The following MBNL2 variants were observed in gnomAD, a reference collection of about 807,000 sequenced individuals.
MBNL2 encodes the protein muscleblind-like protein 2.
Under a neutral mutation model 41.9 loss-of-function variants are expected in MBNL2, and 17 were observed. That is an observed-to-expected ratio of 0.41 (90% CI 0.28 to 0.61). The LOEUF (loss-of-function observed/expected upper bound fraction) is 0.61, where lower values mean the gene tolerates loss of function less well. Among genes scored for constraint, MBNL2 ranks in the 20% least tolerant of loss-of-function variants. MBNL2 has a pLI of 0.35. For missense variants in MBNL2, 336 were observed against 505.6 expected, an observed-to-expected ratio of 0.66 and a Z score of 3.22; for synonymous variants, 195 against 182.9, an observed-to-expected ratio of 1.07 and a Z score of -0.53.
intron 3 of MBNL2, among the ~76,000 whole-genome samples, chr13:97,338,018 T>G (rs532681744): frequency 6.6e-6 from 1 of 152,346 alleles, no homozygotes; most frequent in South Asian, 2.1e-4. Context: ...ATATCCACTC[T>G]TGCTTTACTC....
At chr13:97,331,821 AAAG>A (rs1419776500) in intron 2 of MBNL2, among the ~76,000 whole-genome samples, 1 of 152,222 alleles carries the variant, frequency 6.6e-6, no homozygotes, top group African/African-American at 2.4e-5. Context: ...TTCTCACAAA[AAAG>A]AAGGTTTCAT....
chr13:97,361,704 A>T (rs981524576), intron 7 of MBNL2, among the ~76,000 whole-genome samples: 1 of 135,460 alleles, frequency 7.4e-6, no homozygotes, highest in African/African-American at 2.8e-5. Flanking sequence ...TCTCCAAGAC[A>T]CCCCCCTCCA....
intron 8 of MBNL2, among the ~76,000 whole-genome samples, chr13:97,374,261 C>T (rs546852119): frequency 6.6e-6 from 1 of 151,764 alleles, no homozygotes; most frequent in East Asian, 1.9e-4. Flanking sequence ...CATTCTCCTG[C>T]CTCAGCCTCC....
chr13:97,368,490 A>ATAAGT (rs1161291097), intron 8 of MBNL2, among the ~76,000 whole-genome samples: 1 of 151,954 alleles, frequency 6.6e-6, no homozygotes, highest in Non-Finnish European at 1.5e-5. Context: ...ATTCTATATG[A>ATAAGT]TAAGTTTAGC....
intron 2 of MBNL2, among the ~76,000 whole-genome samples, chr13:97,305,769 AAAAC>A (rs34331229): frequency 9.3e-5 from 14 of 150,992 alleles, no homozygotes; most frequent in Middle Eastern, 3.4e-3. Context: ...ACCCCGTCTC[AAAAC>A]AAACAAACAA....
chr13:97,366,751 T>A lies in MBNL2; in HGVS notation c.1048+1580T>A, dbSNP rs2063875634. The A allele has an allele frequency of 6.1e-6, 4 of 651,042 alleles. No individual in the cohort carries two copies. The highest frequency in any genetic ancestry group is 1.1e-5 in the Non-Finnish European group (4 of 364,982). 40.3% of individuals were successfully genotyped at this position (651,042 alleles called of 1,614,324 possible). A position where few individuals can be genotyped will look rare whatever the true frequency, so the allele number is the denominator to read the frequency against. ...CATTTACTGCAAATAATGATGTAGC[T>A]ATGTTTTGTGTTGCACTGTTTGTTT... On this transcript the variant is annotated intron_variant, in intron 8 of 8. Transcript: ENST00000679496. This position sits in a 1 kb window ranked among gnomAD's most constrained non-coding sequence, Gnocchi z 4.7.
At chr13:97,373,601 T>TAA (rs935876001) in intron 8 of MBNL2, among the ~76,000 whole-genome samples, 1 of 129,572 alleles carries the variant, frequency 7.7e-6, no homozygotes, top group Admixed American at 8.2e-5. Flanking sequence ...CTTAGTATGC[T>TAA]AAAAATATAT....
chr13:97,201,779 C>T, the MBNL2 span, among the ~76,000 whole-genome samples: 1 of 152,160 alleles, frequency 6.6e-6, no homozygotes. Flanking sequence ...ATCACAGCAA[C>T]AATACTTGAA....
intron 1 of MBNL2, among the ~76,000 whole-genome samples, chr13:97,272,916 T>C (rs2051366486): frequency 6.6e-6 from 1 of 152,090 alleles, no homozygotes; most frequent in African/African-American, 2.4e-5. Flanking sequence ...TAAGTTGAAA[T>C]GGAAATTCTC....
chr13:97,229,630 G>T (rs1342241758), intron 1 of MBNL2, among the ~76,000 whole-genome samples: 2 of 152,116 alleles, frequency 1.3e-5, no homozygotes, highest in Non-Finnish European at 2.9e-5. Context: ...AGGAGGAATA[G>T]CATGATGTGG....
rs148854343 is a variant in MBNL2, at chr13:97,329,274, A to C, written c.175-5002A>C. On this transcript the variant is annotated intron_variant, in intron 2 of 8. Coordinates refer to ENST00000679496, the MANE Select transcript of MBNL2 (RefSeq NM_001382683.1). The stretch of plus-strand genomic sequence containing the variant: ...GCACAAATCCAATGTCGACTCCATC[A>C]GAATTCTGTTATTGTTTTTAAAGAG... Among the ~76,000 whole-genome samples the C allele has an allele frequency of 2.4e-3, 358 of 152,326 alleles. 1 individual carries two copies. Among genetic ancestry groups the C allele is most frequent in the African/African-American group, 8.4e-3 (347 of 41,556 alleles).
intron 2 of MBNL2, among the ~76,000 whole-genome samples, chr13:97,286,272 T>C (rs149710217): frequency 6.6e-6 from 1 of 152,350 alleles, no homozygotes; most frequent in African/African-American, 2.4e-5. Flanking sequence ...CCATTCTCAG[T>C]AGATGGTACA....
intron 2 of MBNL2, among the ~76,000 whole-genome samples, chr13:97,331,182 T>C (rs1029730507): frequency 1.3e-5 from 2 of 152,226 alleles, no homozygotes; most frequent in East Asian, 3.8e-4. Flanking sequence ...ATAATAACAT[T>C]TACTCAGTGC....
At chr13:97,328,106 G>A (rs1453090611) in intron 2 of MBNL2, among the ~76,000 whole-genome samples, 2 of 151,712 alleles carry the variant, frequency 1.3e-5, no homozygotes, top group Admixed American at 6.6e-5. Flanking sequence ...CTTGCCCAAG[G>A]TGCCCAAGAA....
intron 8 of MBNL2, among the ~76,000 whole-genome samples, chr13:97,371,554 T>G (rs555378790): frequency 6.6e-6 from 1 of 152,202 alleles, no homozygotes; most frequent in African/African-American, 2.4e-5. Context: ...TGTGGTACCT[T>G]GATGCCAAGT....
chr13:97,374,125 A>C lies in MBNL2; in HGVS notation c.1048+8954A>C, dbSNP rs1258118912. 4.2e-4 allele frequency among the ~76,000 whole-genome samples: 50 copies of C among 120,182 alleles called. No homozygotes were observed. In the Admixed American group the frequency reaches 5.3e-3, roughly 13 times the overall value. 78.8% of individuals were successfully genotyped at this position (120,182 alleles called of 152,430 possible). A position where few individuals can be genotyped will look rare whatever the true frequency, so the allele number is the denominator to read the frequency against. ...AGCCTCGCCCTGTCACCTACGCTGG[A>C]GTGCAATGGTGCAATCTTTTTATTT... is the stretch of plus-strand genomic sequence containing the variant. On this transcript the variant is annotated intron_variant, in intron 8 of 8. Transcript: ENST00000679496.
At chr13:97,283,759 A>G (rs940784421) in intron 2 of MBNL2, among the ~76,000 whole-genome samples, 1 of 152,206 alleles carries the variant, frequency 6.6e-6, no homozygotes, top group African/African-American at 2.4e-5. Flanking sequence ...ATTTTCCCAG[A>G]GTCAAGAGTA....
intron 1 of MBNL2, among the ~76,000 whole-genome samples, chr13:97,244,981 G>C (rs1307511670): frequency 6.6e-6 from 1 of 151,968 alleles, no homozygotes; most frequent in Non-Finnish European, 1.5e-5. Context: ...ATCTAATAAT[G>C]ACCATTAAGA....
chr13:97,164,750 G>T, the MBNL2 span, among the ~76,000 whole-genome samples: 1 of 152,056 alleles, frequency 6.6e-6, no homozygotes, highest in African/African-American at 2.4e-5. Flanking sequence ...AATGCCAAGG[G>T]GAAAAATGTC....
Sources: allele counts gnomAD v4.1 joint callset (sites outside exome capture counted in the v4.1 genomes callset), GRCh38; gene constraint gnomAD v4.1.1; non-coding constraint Gnocchi (gnomAD v3.1); transcripts MANE v1.5; gene names NCBI Gene and HGNC (gene_info 2026-07-23, HGNC 2026-07-21).